PTPRD: variants seen among roughly 807,000 people sequenced by gnomAD.
The protein encoded by PTPRD is protein tyrosine phosphatase receptor type D.
In PTPRD, 34 loss-of-function variants were observed where a neutral mutation model predicts 214.5. That is an observed-to-expected ratio of 0.16 (90% CI 0.12 to 0.21). The LOEUF is 0.21. Among genes scored for constraint, PTPRD ranks in the 10% least tolerant of loss-of-function variants. PTPRD has a pLI of 1.00. For synonymous variants in PTPRD, 1,128 were observed against 845.7 expected, an observed-to-expected ratio of 1.33 and a Z score of -5.79; for missense variants, 2,545 against 2,398.7, an observed-to-expected ratio of 1.06 and a Z score of -1.27.
intron 8 of PTPRD, among the ~76,000 whole-genome samples, chr9:9,561,343 T>TA (rs529568303): frequency 9.8e-4 from 149 of 152,290 alleles, no homozygotes; most frequent in African/African-American, 3.5e-3. Context: ...CTAAAATGTA[T>TA]AAAAAATCAA....
chr9:10,140,318 A>C (rs1328760319), intron 3 of PTPRD, among the ~76,000 whole-genome samples: 1 of 143,850 alleles, frequency 7.0e-6, no homozygotes, highest in Non-Finnish European at 1.5e-5. Flanking sequence ...AGCAGAAAAC[A>C]ATCATTAATA....
intron 12 of PTPRD, among the ~76,000 whole-genome samples, chr9:8,647,249 T>A (rs2096714615): frequency 6.6e-6 from 1 of 152,242 alleles, no homozygotes; most frequent in African/African-American, 2.4e-5. Flanking sequence ...TTTGTGTTTT[T>A]AATTTTTAAG....
chr9:9,758,837 A>T (rs2098618552), intron 6 of PTPRD, among the ~76,000 whole-genome samples: 1 of 148,534 alleles, frequency 6.7e-6, no homozygotes, highest in Non-Finnish European at 1.5e-5. Flanking sequence ...AAGATCTCTG[A>T]ATCAAATATG....
chr9:9,513,740 A>G (rs2096767799), intron 8 of PTPRD, among the ~76,000 whole-genome samples: 1 of 152,052 alleles, frequency 6.6e-6, no homozygotes, highest in African/African-American at 2.4e-5. Context: ...CCAAAATTCC[A>G]TAAAAGAATA....
At chr9:8,447,959 C>G (rs2095799618) in intron 34 of PTPRD, among the ~76,000 whole-genome samples, 1 of 152,130 alleles carries the variant, frequency 6.6e-6, no homozygotes, top group African/African-American at 2.4e-5. Context: ...ATCATTTCTT[C>G]AGCTTTTGGG....
chr9:10,269,197 T>A (rs1225986752), intron 3 of PTPRD, among the ~76,000 whole-genome samples: 1 of 152,216 alleles, frequency 6.6e-6, no homozygotes, highest in Non-Finnish European at 1.5e-5. Context: ...AATGCATTGT[T>A]TAAAATAACA....
chr9:10,525,373 T>C (rs773586455), intron 2 of PTPRD, among the ~76,000 whole-genome samples: 16 of 152,162 alleles, frequency 1.1e-4, no homozygotes, highest in South Asian at 2.1e-4. Flanking sequence ...CTGCTTAGTG[T>C]TGGTATTCTA....
At chr9:8,423,860 G>A (rs147330045) in intron 35 of PTPRD, among the ~76,000 whole-genome samples, 1,534 of 151,936 alleles carry the variant, frequency 0.01, 9 homozygotes, top group Non-Finnish European at 0.017. Flanking sequence ...ATCAAGATCA[G>A]AAGTCAAAGG....
chr9:9,398,738 C>A (rs1448950450), intron 8 of PTPRD, among the ~76,000 whole-genome samples: 1 of 151,584 alleles, frequency 6.6e-6, no homozygotes, highest in East Asian at 1.9e-4. Flanking sequence ...CATGTTTTTT[C>A]CCCCCACAGG....
intron 2 of PTPRD, among the ~76,000 whole-genome samples, chr9:10,352,575 G>C (rs1218491597): frequency 6.6e-6 from 1 of 152,028 alleles, no homozygotes; most frequent in African/African-American, 2.4e-5. Flanking sequence ...AGATCAGAAG[G>C]AGAAATAGCT....
intron 11 of PTPRD, among the ~76,000 whole-genome samples, chr9:8,815,227 GT>G (rs1463436468): frequency 6.6e-6 from 1 of 151,846 alleles, no homozygotes; most frequent in Non-Finnish European, 1.5e-5. Flanking sequence ...GATATAAGCT[GT>G]TTCCCGTTCT....
chr9:10,400,146 T>A lies in PTPRD; in HGVS notation c.-599-59129A>T, dbSNP rs1323639176. ...ACATTCAATTCTCGTCTCCTTCACT[T>A]ATGTAGTAGTCAGGCAGGTCAACTG... On this transcript the variant is annotated intron_variant, in intron 2 of 45. Transcript: ENST00000381196. Among the ~76,000 whole-genome samples the A allele has an allele frequency of 3.3e-5, 5 of 151,798 alleles. No individual in the cohort carries two copies. The East Asian group carries it at 7.8e-4, about 24-fold the overall frequency.
intron 8 of PTPRD, among the ~76,000 whole-genome samples, chr9:9,525,679 T>C (rs1342689030): frequency 6.6e-6 from 1 of 152,128 alleles, no homozygotes; most frequent in Non-Finnish European, 1.5e-5. Context: ...AAATACTTTA[T>C]ATTTCTATAG....
At chr9:10,245,030 C>T (rs1028638408) in intron 3 of PTPRD, among the ~76,000 whole-genome samples, 2 of 152,100 alleles carry the variant, frequency 1.3e-5, no homozygotes, top group Non-Finnish European at 2.9e-5. Flanking sequence ...AGAACATTCA[C>T]ACAATGTATC....
intron 5 of PTPRD, among the ~76,000 whole-genome samples, chr9:9,790,008 A>C (rs1470586937): frequency 6.6e-6 from 1 of 152,050 alleles, no homozygotes; most frequent in African/African-American, 2.4e-5. Flanking sequence ...AAGAACACAC[A>C]TAATTTCTTA....
rs1401300692 is a variant in PTPRD, at chr9:8,419,831, GAAT to G, written c.4087-15174_4087-15172del. On this transcript the variant is annotated intron_variant, in intron 35 of 45. Transcript: ENST00000381196. ...TTATTTCACATACATTCAAGTAACA[GAAT>G]ATGAGAAAGAGAAACATGAGTTTTC... is the stretch of plus-strand genomic sequence containing the variant. Among the ~76,000 whole-genome samples the G allele has an allele frequency of 2.6e-5, 4 of 151,992 alleles. No homozygotes were observed. In the East Asian group the frequency reaches 7.8e-4, roughly 29 times the overall value.
chr9:8,884,774 G>A (rs1388571582), intron 11 of PTPRD, among the ~76,000 whole-genome samples: 1 of 152,180 alleles, frequency 6.6e-6, no homozygotes, highest in Non-Finnish European at 1.5e-5. Context: ...TAACTCACCT[G>A]TAGTTTTCTA....
intron 5 of PTPRD, among the ~76,000 whole-genome samples, chr9:9,775,176 G>T (rs989727803): frequency 6.6e-6 from 1 of 152,004 alleles, no homozygotes; most frequent in Non-Finnish European, 1.5e-5. Flanking sequence ...ATTAATAATC[G>T]AATCCCATTT....
At chr9:9,606,565 G>C (rs1387717746) in intron 7 of PTPRD, among the ~76,000 whole-genome samples, 1 of 152,018 alleles carries the variant, frequency 6.6e-6, no homozygotes, top group Non-Finnish European at 1.5e-5. Flanking sequence ...TTGGCAGAAA[G>C]CTGTGCTCTA....
Sources: gnomAD v4.1 joint callset for allele counts (sites outside exome capture counted in the v4.1 genomes callset) on GRCh38, gnomAD v4.1.1 for gene constraint, MANE v1.5 for transcripts, NCBI Gene and HGNC (gene_info 2026-07-23, HGNC 2026-07-21) for gene names.